FA2H: variants seen among roughly 807,000 people sequenced by gnomAD.
FA2H encodes fatty acid 2-hydroxylase, also known as fatty acid alpha-hydroxylase.
FA2H carries 22 observed loss-of-function variants against 44.9 expected under a neutral mutation model. The observed-to-expected ratio is 0.49, with a 90% CI of 0.35 to 0.70. The LOEUF is 0.70. Among genes scored for constraint, FA2H ranks in the 30% least tolerant of loss-of-function variants. The probability of loss-of-function intolerance (pLI) is 0.01; values close to 1 mark genes in which losing one functional copy is unlikely to be tolerated. For missense variants in FA2H, 501 were observed against 504.9 expected (o/e 0.99, Z 0.07); for synonymous variants, 243 against 213.2 (o/e 1.14, Z -1.22).
chr16:74,773,651 T>C (rs1037293629), intron 1 of FA2H, among the ~76,000 whole-genome samples: 2 of 152,198 alleles, frequency 1.3e-5, no homozygotes, highest in African/African-American at 4.8e-5. Context: ...TTTCCCACTA[T>C]TTAGCTATTT....
Position 74,761,107 on chromosome 16 carries a change from G to A in FA2H, c.270+13379C>T, listed in dbSNP as rs573533174. On this transcript the variant is annotated intron_variant, in intron 1 of 6. Transcript: ENST00000219368. ...CACATCCTGCACGTGTACCCCTAAA[G>A]TTAAAATAAAAGTTGGAAGGGAAAA... Among the ~76,000 whole-genome samples the A allele has an allele frequency of 9.5e-4, 144 of 152,130 alleles. 1 individual carries two copies. Among genetic ancestry groups the A allele is most frequent in the African/African-American group, 3.1e-3 (129 of 41,506 alleles).
Position 74,745,307 on chromosome 16 carries a change from C to T in FA2H, c.271-5192G>A, listed in dbSNP as rs534524686. Among the ~76,000 whole-genome samples, 165 of 152,362 alleles carry T rather than the reference C, an allele frequency of 1.1e-3. 1 individual carries two copies. Among genetic ancestry groups the T allele is most frequent in the Non-Finnish European group, 2.0e-3 (133 of 68,040 alleles). On this transcript the variant is annotated intron_variant, in intron 1 of 6. Transcript: ENST00000219368. ...AGACCCCACTCAATCTTGCTAACTG[C>T]TCACTCCCTAGTCCCCAGCACAGGC... is the stretch of plus-strand genomic sequence containing the variant.
intron 1 of FA2H, among the ~76,000 whole-genome samples, chr16:74,748,014 G>A (rs1962457766): frequency 6.6e-6 from 1 of 152,258 alleles, no homozygotes; most frequent in East Asian, 1.9e-4. Context: ...CTGAGGACGC[G>A]GCAGAAACCA....
At chr16:74,764,254 A>G (rs1962765619) in intron 1 of FA2H, among the ~76,000 whole-genome samples, 1 of 152,206 alleles carries the variant, frequency 6.6e-6, no homozygotes, top group South Asian at 2.1e-4. Flanking sequence ...TTCCATCACA[A>G]AGACACATGT....
At chr16:74,767,178 G>A (rs1235363181) in intron 1 of FA2H, among the ~76,000 whole-genome samples, 1 of 152,112 alleles carries the variant, frequency 6.6e-6, no homozygotes, top group East Asian at 1.9e-4. Context: ...GCGTGGTGGT[G>A]TGTGCCTGTA....
In FA2H at chr16:74,719,103, A is replaced by G; in HGVS notation, c.671T>C (p.Phe224Ser). ...GAGGTACTCGATGAGGCTCCAGAGG[A>G]ATGTCCCCAGCATGAAGAGCCCGGG... ...MFPGLFMLGT[F>S]LWSLIEYLIH... Residue 224 changes from phenylalanine (F) to serine (S), a missense_variant, in exon 5 of 7, where the codon TTC becomes TCC. Transcript: ENST00000219368. 1 of 1,613,972 alleles carries G rather than the reference A, an allele frequency of 6.2e-7. No homozygotes were observed. The highest frequency in any genetic ancestry group is 8.5e-7 in the Non-Finnish European group (1 of 1,180,028).
intron 2 of FA2H, 44 bp downstream of exon 2, chr16:74,739,979 C>T (rs746027699): frequency 9.7e-6 from 14 of 1,444,730 alleles, no homozygotes; most frequent in African/African-American, 2.8e-5. Flanking sequence ...TCCTCATTCC[C>T]GCCAGCCCCC....
At chr16:74,748,812 C>A (rs1597562832) in intron 1 of FA2H, among the ~76,000 whole-genome samples, 1 of 152,202 alleles carries the variant, frequency 6.6e-6, no homozygotes, top group African/African-American at 2.4e-5. Flanking sequence ...GCATGTTGTT[C>A]GGGAAAGCTG....
chr16:74,770,045 G>C (rs1962878966), intron 1 of FA2H, among the ~76,000 whole-genome samples: 1 of 152,220 alleles, frequency 6.6e-6, no homozygotes, highest in African/African-American at 2.4e-5. Context: ...CTGGGGGAAG[G>C]GCCAGGATGC....
At chr16:74,725,318 C>T (rs75187980) in intron 4 of FA2H, among the ~76,000 whole-genome samples, 1,990 of 152,316 alleles carry the variant, frequency 0.013, 46 homozygotes, top group African/African-American at 0.045. Flanking sequence ...AGAGTGAGGG[C>T]AGCTCAGGAA....
At position 74,774,474 on chromosome 16, in the gene FA2H, GC is replaced by G; in HGVS notation, c.270+11del. 2 of 1,500,930 alleles carry G rather than the reference GC, an allele frequency of 1.3e-6. No individual in the cohort carries two copies. The highest frequency in any genetic ancestry group is 1.8e-4 in the Middle Eastern group (1 of 5,612). 93.0% of individuals were successfully genotyped at this position (1,500,930 alleles called of 1,614,324 possible). A position where few individuals can be genotyped will look rare whatever the true frequency, so the allele number is the denominator to read the frequency against. On this transcript the variant is annotated intron_variant, in intron 1 of 6. Transcript: ENST00000219368. ...GCCTGGGTTGGGGTGGGGGGCCCCG[GC>G]CCGGCTGTACCTGCTGCTCCCCGCG...
At chr16:74,721,941 G>A (rs976895151) in intron 4 of FA2H, among the ~76,000 whole-genome samples, 5 of 152,226 alleles carry the variant, frequency 3.3e-5, no homozygotes, top group Non-Finnish European at 7.3e-5. Context: ...ATTCCTGTGT[G>A]CCAGGCACCG....
At chr16:74,752,123 T>C (rs1962536543) in intron 1 of FA2H, among the ~76,000 whole-genome samples, 1 of 152,126 alleles carries the variant, frequency 6.6e-6, no homozygotes, top group South Asian at 2.1e-4. Flanking sequence ...CAATTTCAAA[T>C]TCTCTCCATC....
rs1319502026 is a variant in FA2H at position 74,741,836 on chromosome 16, GTAT to G, written c.271-1724_271-1722del. ...TGTGTGTGTGTGTGTGTGTGTGTGT[GTAT>G]GTGTGTGTATGTGTGTATGTGTGTG... On this transcript the variant is annotated intron_variant, in intron 1 of 6. Transcript: ENST00000219368. Among the ~76,000 whole-genome samples, 451 of 70,586 alleles carry G rather than the reference GTAT, an allele frequency of 6.4e-3. 4 individuals carry two copies. Among genetic ancestry groups the G allele is most frequent in the East Asian group, 0.029 (48 of 1,678 alleles). 46.3% of individuals were successfully genotyped at this position (70,586 alleles called of 152,430 possible).
Position 74,716,416 on chromosome 16 carries a change from G to A in FA2H, c.970C>T (p.His324Tyr), listed in dbSNP as rs530329233. 9.3e-6 allele frequency: 15 copies of A among 1,614,046 alleles called. No individual in the cohort carries two copies. Among genetic ancestry groups the A allele is most frequent in the African/African-American group, 6.7e-5 (5 of 75,008 alleles). The part of the protein sequence containing the change: ...THYYLHFGSP[H>Y]KGSYLYSLKA... ...AGGCTGTACAGGTAGGAGCCCTTGT[G>A]CGGCGAGCCAAAGTGCAGGTAGTAA... is the stretch of plus-strand genomic sequence containing the variant. Residue 324 changes from histidine to tyrosine, a missense_variant, in exon 6 of 7, where the codon CAC becomes TAC. Transcript: ENST00000219368.
At chr16:74,734,527 G>A (rs192657671) in intron 2 of FA2H, among the ~76,000 whole-genome samples, 8 of 152,338 alleles carry the variant, frequency 5.3e-5, no homozygotes, top group South Asian at 2.1e-4. Flanking sequence ...CAGCCTGCTC[G>A]GTCCCTGCCT....
intron 2 of FA2H, among the ~76,000 whole-genome samples, chr16:74,729,204 T>C (rs1962026593): frequency 6.6e-6 from 1 of 152,162 alleles, no homozygotes; most frequent in Non-Finnish European, 1.5e-5. Flanking sequence ...GACAAGGGGT[T>C]TCACCATGTT....
chr16:74,733,850 C>T (rs1962127667), intron 2 of FA2H, among the ~76,000 whole-genome samples: 1 of 152,230 alleles, frequency 6.6e-6, no homozygotes, highest in African/African-American at 2.4e-5. Flanking sequence ...CCGCTCACCA[C>T]ATTTGCCACC....
chr16:74,754,133 C>T (rs1254902267), intron 1 of FA2H, among the ~76,000 whole-genome samples: 7 of 152,146 alleles, frequency 4.6e-5, no homozygotes, highest in South Asian at 4.1e-4. Flanking sequence ...CAGTGGCTCA[C>T]GCCTGTAATT....
Sources: gnomAD v4.1 joint callset for allele counts (sites outside exome capture counted in the v4.1 genomes callset) on GRCh38, gnomAD v4.1.1 for gene constraint, MANE v1.5 for transcripts, NCBI Gene and HGNC (gene_info 2026-07-23, HGNC 2026-07-21) for gene names.